RALGAPA2: variants seen among roughly 807,000 people sequenced by gnomAD.
RALGAPA2 encodes Ral GTPase activating protein catalytic subunit alpha 2, also known as ral GTPase-activating protein subunit alpha-2.
RALGAPA2 carries 139 observed loss-of-function variants against 230.4 expected under a neutral mutation model. The observed-to-expected ratio is 0.60, with a 90% CI of 0.53 to 0.69. The LOEUF (loss-of-function observed/expected upper bound fraction) is 0.69, where lower values mean the gene tolerates loss of function less well. Ranked by LOEUF, RALGAPA2 falls within the 30% of genes least tolerant of loss-of-function variation. The pLI is 0.00. For missense variants in RALGAPA2, 2,163 were observed against 2,276.0 expected (o/e 0.95, Z 1.01); for synonymous variants, 847 against 837.8 (o/e 1.01, Z -0.19).
intron 32 of RALGAPA2, among the ~76,000 whole-genome samples, chr20:20,511,923 G>C (rs2062715112): frequency 6.6e-6 from 1 of 152,096 alleles, no homozygotes. Flanking sequence ...AGGCGCAGTT[G>C]CTCACGCCTG....
intron 20 of RALGAPA2, among the ~76,000 whole-genome samples, chr20:20,577,200 A>G (rs1320980959): frequency 6.6e-6 from 1 of 152,132 alleles, no homozygotes; most frequent in Non-Finnish European, 1.5e-5. Context: ...ACTGAAGCAC[A>G]ATCTCTGGAT....
chr20:20,473,911 T>C (rs903981559), intron 36 of RALGAPA2, among the ~76,000 whole-genome samples: 13 of 152,200 alleles, frequency 8.5e-5, no homozygotes, highest in Non-Finnish European at 1.6e-4. Flanking sequence ...ATTTATTATG[T>C]GTTGGACACT....
At position 20,412,049 on chromosome 20, in the gene RALGAPA2, G is replaced by A. The variant is rs188425908; in HGVS notation, c.5595C>T (p.Pro1865=). ...CACCCGTTCCGCTGAGGGAGTAGCT[G>A]GGAGAGGGAGAAAAGACTTGGGCTG... ...DFAAQVFSPS[P]SYSLSGTD Residue 1865 remains proline, a synonymous_variant, in exon 38 of 40, where the codon CCC becomes CCT. Transcript: ENST00000202677. 16 of 1,613,992 alleles carry A rather than the reference G, an allele frequency of 9.9e-6. No homozygotes were observed. The highest frequency in any genetic ancestry group is 1.6e-4 in the Middle Eastern group (1 of 6,062).
intron 37 of RALGAPA2, among the ~76,000 whole-genome samples, chr20:20,461,630 T>A (rs1337259684): frequency 6.6e-6 from 1 of 152,242 alleles, no homozygotes; most frequent in Non-Finnish European, 1.5e-5. Flanking sequence ...TCTGTCCATC[T>A]GTTTTATTAT....
At position 20,437,146 on chromosome 20, in the gene RALGAPA2, T is replaced by C. The variant is rs1311046910; in HGVS notation, c.5496-24998A>G. 6.6e-6 allele frequency among the ~76,000 whole-genome samples: 1 copy of C among 152,152 alleles called. No individual in the cohort carries two copies. Among genetic ancestry groups the C allele is most frequent in the African/African-American group, 2.4e-5 (1 of 41,420 alleles). On this transcript the variant is annotated intron_variant, in intron 37 of 39. Coordinates refer to ENST00000202677, the MANE Select transcript of RALGAPA2 (RefSeq NM_020343.4). This position sits in a 1 kb window ranked among gnomAD's most constrained non-coding sequence, Gnocchi z 4.1. ...TCATAAATGTTAGCTCAATAAATGT[T>C]GGCATTATTAATTCAAACAGAAGTT...
intron 14 of RALGAPA2, 25 bp downstream of exon 14, chr20:20,611,290 C>A: frequency 6.3e-7 from 1 of 1,585,462 alleles, no homozygotes; most frequent in Non-Finnish European, 8.6e-7. Context: ...CTTGCATTTG[C>A]AGTGCTTTCA....
intron 27 of RALGAPA2, among the ~76,000 whole-genome samples, chr20:20,529,778 T>A (rs2063320720): frequency 6.6e-6 from 1 of 152,188 alleles, no homozygotes; most frequent in South Asian, 2.1e-4. Context: ...TGCAATCACC[T>A]AGCGACACTC....
intron 31 of RALGAPA2, 119 bp from the exon 32 acceptor site, chr20:20,513,403 G>A (rs557080238): frequency 1.3e-6 from 1 of 784,094 alleles, no homozygotes; most frequent in Admixed American, 3.9e-5. Context: ...CAGGCTTTTA[G>A]TGTGCCTCAG....
intron 1 of RALGAPA2, among the ~76,000 whole-genome samples, chr20:20,710,039 T>C (rs1483111484): frequency 6.6e-6 from 1 of 152,190 alleles, no homozygotes; most frequent in Non-Finnish European, 1.5e-5. Flanking sequence ...CCATACCCAT[T>C]TTACAGAGCA....
chr20:20,638,346 G>T (rs1170960102), intron 7 of RALGAPA2, among the ~76,000 whole-genome samples: 3 of 152,180 alleles, frequency 2.0e-5, no homozygotes, highest in Non-Finnish European at 2.9e-5. Context: ...AATGAAATTT[G>T]TGCAGCACCT....
chr20:20,674,912 C>G (rs2068264779), intron 3 of RALGAPA2, among the ~76,000 whole-genome samples: 1 of 152,054 alleles, frequency 6.6e-6, no homozygotes, highest in African/African-American at 2.4e-5. Context: ...GGAAGAGCAC[C>G]TAAGTAGCTT....
intron 1 of RALGAPA2, among the ~76,000 whole-genome samples, chr20:20,684,900 T>A (rs1452081148): frequency 5.3e-5 from 8 of 152,248 alleles, no homozygotes; most frequent in Admixed American, 5.2e-4. Context: ...AAATATCAGA[T>A]ATTTTATCTT....
intron 20 of RALGAPA2, among the ~76,000 whole-genome samples, chr20:20,577,423 T>C (rs1273668218): frequency 6.6e-6 from 1 of 152,178 alleles, no homozygotes; most frequent in African/African-American, 2.4e-5. Flanking sequence ...AGAAGCACTG[T>C]TCCTTCTTAG....
chr20:20,451,686 A>G (rs1234540697), intron 37 of RALGAPA2, among the ~76,000 whole-genome samples: 1 of 152,246 alleles, frequency 6.6e-6, no homozygotes, highest in Non-Finnish European at 1.5e-5. Flanking sequence ...TTAGTACTTA[A>G]GGTCTCAGAT....
chr20:20,531,328 C>T (rs1257146782), intron 27 of RALGAPA2, among the ~76,000 whole-genome samples: 1 of 152,224 alleles, frequency 6.6e-6, no homozygotes, highest in Admixed American at 6.5e-5. Flanking sequence ...AGAGGCCTAA[C>T]TGGAAGGTGT....
chr20:20,465,651 A>C (rs1333661993), intron 37 of RALGAPA2, among the ~76,000 whole-genome samples: 2 of 152,118 alleles, frequency 1.3e-5, no homozygotes, highest in Non-Finnish European at 2.9e-5. Context: ...TAACAGTGAG[A>C]TGTCACTCTA....
Position 20,712,318 on chromosome 20 carries a change from T to G in RALGAPA2, c.106+57A>C. The G allele has an allele frequency of 8.3e-7, 1 of 1,201,350 alleles. No homozygotes were observed. The highest frequency in any genetic ancestry group is 1.1e-6 in the Non-Finnish European group (1 of 906,794). The allele number at this position is 1,201,350 out of a possible 1,614,324, so 74.4% of individuals were successfully genotyped here. On this transcript the variant is annotated intron_variant, in intron 1 of 39. Coordinates refer to ENST00000202677, the MANE Select transcript of RALGAPA2 (RefSeq NM_020343.4). This position sits in a 1 kb window ranked among gnomAD's most constrained non-coding sequence, Gnocchi z 5.5. ...CCGACCCCTGCACAGAGGAGCGCCCTCCCGGCAGGTGCCCCTAACCCGGCG... is the reference window on the plus strand; with the variant it reads ...CCGACCCCTGCACAGAGGAGCGCCCGCCCGGCAGGTGCCCCTAACCCGGCG...
intron 1 of RALGAPA2, among the ~76,000 whole-genome samples, chr20:20,709,888 G>T (rs929784746): frequency 6.6e-6 from 1 of 152,166 alleles, no homozygotes; most frequent in African/African-American, 2.4e-5. Flanking sequence ...GAAAGACGGA[G>T]AAAAATTACC....
At chr20:20,569,899 C>T (rs983088055) in intron 23 of RALGAPA2, among the ~76,000 whole-genome samples, 3 of 152,016 alleles carry the variant, frequency 2.0e-5, no homozygotes, top group Non-Finnish European at 4.4e-5. Context: ...TAGCATAAGG[C>T]TTCTTTAAAG....
Sources: gnomAD v4.1 joint callset for allele counts (sites outside exome capture counted in the v4.1 genomes callset) on GRCh38, gnomAD v4.1.1 for gene constraint, Gnocchi (gnomAD v3.1) non-coding constraint, MANE v1.5 for transcripts, NCBI Gene and HGNC (gene_info 2026-07-23, HGNC 2026-07-21) for gene names.